The following TLL1 variants were observed in gnomAD, a reference collection of about 807,000 sequenced individuals.
The protein encoded by TLL1 is tolloid-like protein 1.
A neutral mutation model predicts 128.2 loss-of-function variants in TLL1; 49 were observed. That is an observed-to-expected ratio of 0.38 (90% CI 0.30 to 0.48). The LOEUF (loss-of-function observed/expected upper bound fraction) is 0.48. Ranked by LOEUF, TLL1 falls within the 20% of genes least tolerant of loss-of-function variation. TLL1 has a pLI of 0.96. For synonymous variants in TLL1, 454 were observed against 418.8 expected (o/e 1.08, Z -1.03); for missense variants, 1,123 against 1,242.0 (o/e 0.90, Z 1.44).
chr4:166,061,753 TGTC>T (rs1323938247), intron 15 of TLL1, among the ~76,000 whole-genome samples: 1 of 152,182 alleles, frequency 6.6e-6, no homozygotes, highest in South Asian at 2.1e-4. Context: ...TGGCTTTTGT[TGTC>T]ATTGCTTTTG....
intron 8 of TLL1, among the ~76,000 whole-genome samples, chr4:166,021,904 A>G (rs556305831): frequency 6.6e-6 from 1 of 152,256 alleles, no homozygotes; most frequent in Non-Finnish European, 1.5e-5. Context: ...GAATGAGAAA[A>G]GCTTCCTGGA....
chr4:165,904,995 C>G (rs924164711), intron 1 of TLL1, among the ~76,000 whole-genome samples: 2 of 152,160 alleles, frequency 1.3e-5, no homozygotes, highest in Non-Finnish European at 2.9e-5. Flanking sequence ...CTCAGATAGA[C>G]AGACCATTAG....
Position 165,921,317 on chromosome 4 carries a change from G to A in TLL1, c.169+47244G>A, listed in dbSNP as rs1316542387. ...TTAGAGATGGTTGTCTTTTTTATAC[G>A]TGTATTTTGGTTAAAGCAAGAAACA... On this transcript the variant is annotated intron_variant, in intron 1 of 20. Coordinates refer to ENST00000061240, the MANE Select transcript of TLL1 (RefSeq NM_012464.5). 2.6e-5 allele frequency among the ~76,000 whole-genome samples: 4 copies of A among 152,114 alleles called. No individual in the cohort carries two copies. In the South Asian group the frequency reaches 6.2e-4, roughly 24 times the overall value.
intron 1 of TLL1, among the ~76,000 whole-genome samples, chr4:165,913,560 A>G (rs1268009546): frequency 6.6e-6 from 1 of 152,228 alleles, no homozygotes; most frequent in Non-Finnish European, 1.5e-5. Context: ...AGAATCCTAT[A>G]TCACTGAGCC....
chr4:165,912,185 G>A (rs888939024), intron 1 of TLL1, among the ~76,000 whole-genome samples: 4 of 152,140 alleles, frequency 2.6e-5, no homozygotes, highest in African/African-American at 9.7e-5. Context: ...CAGAAAATAA[G>A]ACAATAGTCT....
At chr4:165,995,326 C>T (rs1736826403) in intron 5 of TLL1, 148 bp downstream of exon 5, 1 of 674,428 alleles carries the variant, frequency 1.5e-6, no homozygotes, top group South Asian at 1.7e-5. Context: ...ATATTATATA[C>T]TAGGTATGTG....
At chr4:166,020,556 T>C (rs546734870) in intron 8 of TLL1, among the ~76,000 whole-genome samples, 1 of 152,290 alleles carries the variant, frequency 6.6e-6, no homozygotes, top group South Asian at 2.1e-4. Flanking sequence ...TTTCTATGAT[T>C]CTCATTTTCT....
intron 1 of TLL1, among the ~76,000 whole-genome samples, chr4:165,933,613 G>GCT (rs1733631832): frequency 6.6e-6 from 1 of 152,156 alleles, no homozygotes; most frequent in Non-Finnish European, 1.5e-5. Context: ...AGGACTTAGA[G>GCT]AAGTATCCCA....
rs1320012158 is a variant in TLL1 at position 166,039,399 on chromosome 4, A to G, written c.1219A>G (p.Ile407Val). ...GAGTAGTTTGTGCTGGTATGACTAT[A>G]TTGAAGTAAGAGACGGGTACTGGAG... ...YKSSLCWYDY[I>V]EVRDGYWRKS... Residue 407 changes from isoleucine (I) to valine (V), a missense_variant, in exon 10 of 21, where the codon ATT becomes GTT. Ile to Val is a conservative substitution (Grantham distance 29, BLOSUM62 3). Around this residue, in one of 3 missense-constraint regions of TLL1, gnomAD observed 480 missense variants for 542.4 expected, o/e 0.89. Coordinates refer to ENST00000061240, the MANE Select transcript of TLL1 (RefSeq NM_012464.5). 1 of 1,613,364 alleles carries G rather than the reference A, an allele frequency of 6.2e-7. No individual in the cohort carries two copies. Among genetic ancestry groups the G allele is most frequent in the East Asian group, 2.2e-5 (1 of 44,758 alleles).
intron 1 of TLL1, among the ~76,000 whole-genome samples, chr4:165,923,944 G>A (rs1733160111): frequency 6.6e-6 from 1 of 152,048 alleles, no homozygotes. Context: ...ATCTGGGATT[G>A]ATGATCTTTG....
intron 1 of TLL1, among the ~76,000 whole-genome samples, chr4:165,979,077 C>A (rs1250854287): frequency 6.6e-6 from 1 of 151,996 alleles, no homozygotes; most frequent in Non-Finnish European, 1.5e-5. Flanking sequence ...AGAGAATATT[C>A]CATTATTACG....
chr4:166,045,966 C>T (rs1739447407), intron 12 of TLL1, among the ~76,000 whole-genome samples: 1 of 152,188 alleles, frequency 6.6e-6, no homozygotes, highest in Non-Finnish European at 1.5e-5. Context: ...GTAAATTGCA[C>T]TTCCAACTAC....
intron 1 of TLL1, among the ~76,000 whole-genome samples, chr4:165,966,480 G>A (rs999117163): frequency 1.3e-5 from 2 of 152,128 alleles, no homozygotes; most frequent in Non-Finnish European, 2.9e-5. Flanking sequence ...TAATTCTAAT[G>A]TTCACACTCT....
intron 1 of TLL1, among the ~76,000 whole-genome samples, chr4:165,983,951 C>T (rs189682543): frequency 3.4e-4 from 52 of 151,832 alleles, no homozygotes; most frequent in African/African-American, 1.1e-3. Flanking sequence ...TACTTTACTG[C>T]AAGCACACTT....
intron 1 of TLL1, among the ~76,000 whole-genome samples, chr4:165,961,740 G>C (rs907322965): frequency 1.3e-5 from 2 of 152,136 alleles, no homozygotes; most frequent in African/African-American, 4.8e-5. Flanking sequence ...TATTAAATAA[G>C]TGGTGTGTGG....
At chr4:166,051,974 AT>A (rs1739760750) in intron 12 of TLL1, among the ~76,000 whole-genome samples, 1 of 152,192 alleles carries the variant, frequency 6.6e-6, no homozygotes, top group South Asian at 2.1e-4. Context: ...CATATAAAAT[AT>A]TTAAAATTAC....
At chr4:166,091,625 T>C (rs577116928) in intron 19 of TLL1, among the ~76,000 whole-genome samples, 100 of 152,248 alleles carry the variant, frequency 6.6e-4, no homozygotes, top group African/African-American at 2.3e-3. Context: ...ACCTAAATAT[T>C]TATACAATGT....
Position 166,077,837 on chromosome 4 carries a change from G to T in TLL1, c.2315-66G>T, listed in dbSNP as rs2111140962. On this transcript the variant is annotated intron_variant, in intron 17 of 20. Transcript: ENST00000061240. ...CAACAGGGCAGTGGGTAAATAGGCT[G>T]CTTGCTTTCTGCCTCAAACCTGGGC... The T allele has an allele frequency of 3.1e-6, 5 of 1,607,820 alleles. No homozygotes were observed. In the East Asian group the frequency reaches 9.0e-5, roughly 29 times the overall value.
chr4:166,012,797 C>CA (rs1737758184), intron 7 of TLL1, among the ~76,000 whole-genome samples: 1 of 151,686 alleles, frequency 6.6e-6, no homozygotes, highest in South Asian at 2.1e-4. Context: ...TCTTTTCAGA[C>CA]AATGTACATA....
Sources: allele counts gnomAD v4.1 joint callset (sites outside exome capture counted in the v4.1 genomes callset), GRCh38; gene constraint gnomAD v4.1.1; regional missense constraint gnomAD v4.1.1; transcripts MANE v1.5; gene names NCBI Gene and HGNC (gene_info 2026-07-23, HGNC 2026-07-21).